NRF1: variants seen among roughly 807,000 people sequenced by gnomAD.
NRF1 encodes the protein alpha palindromic-binding protein.
A neutral mutation model predicts 58.5 loss-of-function variants in NRF1; 5 were observed. The ratio of observed to expected loss-of-function variants is 0.09; its 90% CI spans 0.04 to 0.18. The LOEUF is 0.18. Ranked by LOEUF, NRF1 falls within the 10% of genes least tolerant of loss-of-function variation. The pLI is 1.00. For synonymous variants in NRF1, 224 were observed against 246.7 expected (o/e 0.91, Z 0.86); for missense variants, 288 against 657.7 (o/e 0.44, Z 6.15).
intron 1 of NRF1, among the ~76,000 whole-genome samples, chr7:129,614,375 G>A (rs150342563): frequency 0.047 from 7,188 of 151,834 alleles, 251 homozygotes; most frequent in Non-Finnish European, 0.071. Context: ...CTTGGCCTCC[G>A]AAAGTGCTGG....
intron 10 of NRF1, among the ~76,000 whole-genome samples, chr7:129,746,394 T>C (rs1396902543): frequency 6.6e-6 from 1 of 152,168 alleles, no homozygotes; most frequent in African/African-American, 2.4e-5. Flanking sequence ...ATTCTCAGCC[T>C]GTCTAACTGC....
chr7:129,637,898 C>T lies in NRF1; in HGVS notation c.-6-19448C>T, dbSNP rs1313844282. Among the ~76,000 whole-genome samples the T allele has an allele frequency of 2.7e-5, 4 of 150,658 alleles. No homozygotes were observed. The South Asian group carries it at 6.3e-4, about 24-fold the overall frequency. Reference sequence around the variant, plus strand: ...GTTTTTTTTTTTCTAAGCTCATCAGCTATCGTTAGTGTTAGTGTATTTTAT... The same window carrying T: ...GTTTTTTTTTTTCTAAGCTCATCAGTTATCGTTAGTGTTAGTGTATTTTAT... On this transcript the variant is annotated intron_variant, in intron 1 of 10. Coordinates refer to ENST00000393232, the MANE Select transcript of NRF1 (RefSeq NM_005011.5).
At chr7:129,740,278 G>GTAAC (rs1438421727) in intron 10 of NRF1, among the ~76,000 whole-genome samples, 1 of 152,178 alleles carries the variant, frequency 6.6e-6, no homozygotes, top group African/African-American at 2.4e-5. Context: ...GAGGCATGCA[G>GTAAC]TAACTGTTGA....
At chr7:129,630,596 C>T (rs928045503) in intron 1 of NRF1, among the ~76,000 whole-genome samples, 2 of 152,164 alleles carry the variant, frequency 1.3e-5, no homozygotes, top group Non-Finnish European at 2.9e-5. Flanking sequence ...TCCTCTTCTG[C>T]TTTCTAAGTA....
intron 1 of NRF1, among the ~76,000 whole-genome samples, chr7:129,612,584 C>A (rs149000289): frequency 6.6e-6 from 1 of 152,160 alleles, no homozygotes; most frequent in African/African-American, 2.4e-5. Flanking sequence ...CTGAGATGTG[C>A]CCGCGGAGGG....
intron 1 of NRF1, among the ~76,000 whole-genome samples, chr7:129,652,689 C>T (rs954915934): frequency 1.3e-5 from 2 of 152,174 alleles, no homozygotes; most frequent in African/African-American, 4.8e-5. Context: ...CTTCCGGGTT[C>T]ACGCCATTCT....
chr7:129,677,909 C>A, intron 4 of NRF1, 151 bp downstream of exon 4: 1 of 597,084 alleles, frequency 1.7e-6, no homozygotes. Context: ...CTGCTTTATG[C>A]ATATCAAAAC....
chr7:129,629,571 G>A (rs1418481348), intron 1 of NRF1, among the ~76,000 whole-genome samples: 3 of 150,834 alleles, frequency 2.0e-5, no homozygotes, highest in Admixed American at 1.3e-4. Flanking sequence ...CACTGCACCC[G>A]GCCCGCACAC....
intron 1 of NRF1, among the ~76,000 whole-genome samples, chr7:129,640,430 G>A (rs1584598672): frequency 1.3e-5 from 2 of 151,934 alleles, no homozygotes; most frequent in East Asian, 3.9e-4. Flanking sequence ...AGGCAGGAGG[G>A]TCCCAGGAGG....
chr7:129,614,795 T>A (rs1800627192), intron 1 of NRF1, among the ~76,000 whole-genome samples: 1 of 152,218 alleles, frequency 6.6e-6, no homozygotes, highest in Non-Finnish European at 1.5e-5. Flanking sequence ...TTTTTTGTTT[T>A]ATTAAACGAT....
chr7:129,662,031 T>C (rs1319792269), intron 2 of NRF1, among the ~76,000 whole-genome samples: 2 of 150,590 alleles, frequency 1.3e-5, no homozygotes, highest in Non-Finnish European at 2.9e-5. Flanking sequence ...AGAGAGCTTG[T>C]GCAGTGGAAT....
At chr7:129,639,113 G>A (rs1801232802) in intron 1 of NRF1, among the ~76,000 whole-genome samples, 1 of 152,136 alleles carries the variant, frequency 6.6e-6, no homozygotes, top group Non-Finnish European at 1.5e-5. Flanking sequence ...AGGCTGCAGT[G>A]CAGTGACACA....
intron 1 of NRF1, among the ~76,000 whole-genome samples, chr7:129,647,488 C>T (rs1364826900): frequency 1.3e-5 from 2 of 151,662 alleles, no homozygotes; most frequent in South Asian, 2.1e-4. Context: ...CTGCAACCTC[C>T]GACTCCCAGG....
intron 1 of NRF1, among the ~76,000 whole-genome samples, chr7:129,638,143 A>G (rs1049449852): frequency 2.0e-5 from 3 of 149,114 alleles, no homozygotes; most frequent in African/African-American, 7.4e-5. Context: ...GGGTTGTGAT[A>G]TGTGGTGTTT....
chr7:129,681,324 G>T (rs1007814684), intron 4 of NRF1, among the ~76,000 whole-genome samples: 1 of 152,184 alleles, frequency 6.6e-6, no homozygotes, highest in Non-Finnish European at 1.5e-5. Context: ...ATTTGTATGG[G>T]TTTAAACCAC....
At chr7:129,748,463 T>C (rs570200875) in intron 10 of NRF1, among the ~76,000 whole-genome samples, 22 of 152,062 alleles carry the variant, frequency 1.4e-4, no homozygotes, top group African/African-American at 5.3e-4. Context: ...CCATGAACCA[T>C]GTGGAAACTG....
intron 4 of NRF1, among the ~76,000 whole-genome samples, chr7:129,679,960 A>T (rs1802269644): frequency 6.6e-6 from 1 of 151,776 alleles, no homozygotes; most frequent in Admixed American, 6.6e-5. Flanking sequence ...CTGGAGGCTG[A>T]GGCAGGAAAA....
intron 1 of NRF1, among the ~76,000 whole-genome samples, chr7:129,620,835 T>A (rs1800782822): frequency 1.3e-5 from 2 of 152,190 alleles, no homozygotes; most frequent in Admixed American, 6.5e-5. Context: ...TTGGAAAAAA[T>A]TTTAAATGCA....
At chr7:129,691,465 G>A (rs769552655) in intron 5 of NRF1, among the ~76,000 whole-genome samples, 3 of 150,638 alleles carry the variant, frequency 2.0e-5, no homozygotes, top group East Asian at 2.0e-4. Flanking sequence ...GGGTTCAAGC[G>A]CTACTCGTGC....
Sources: gnomAD v4.1 joint callset for allele counts (sites outside exome capture counted in the v4.1 genomes callset) on GRCh38, gnomAD v4.1.1 for gene constraint, MANE v1.5 for transcripts, NCBI Gene and HGNC (gene_info 2026-07-23, HGNC 2026-07-21) for gene names.